The following SYNPR variants were observed in gnomAD, a reference collection of about 807,000 sequenced individuals.
SYNPR encodes the protein synaptoporin.
In SYNPR, 23 loss-of-function variants were observed where a neutral mutation model predicts 32.9. The ratio of observed to expected loss-of-function variants is 0.70; its 90% confidence interval spans 0.50 to 0.99. The LOEUF (loss-of-function observed/expected upper bound fraction) is 0.99, where lower values mean the gene tolerates loss of function less well. Ranked by LOEUF, SYNPR falls within the 50% of genes least tolerant of loss-of-function variation. The pLI is 0.00. For synonymous variants in SYNPR, 146 were observed against 135.9 expected (o/e 1.07, Z -0.52); for missense variants, 318 against 349.3 (o/e 0.91, Z 0.71).
intron 3 of SYNPR, among the ~76,000 whole-genome samples, chr3:63,519,915 T>C (rs1336575540): frequency 6.6e-6 from 1 of 152,234 alleles, no homozygotes; most frequent in East Asian, 1.9e-4. Context: ...CACCCTGAGA[T>C]AACCACTTCT....
At chr3:63,450,371 T>C (rs1055532103) in intron 2 of SYNPR, among the ~76,000 whole-genome samples, 3 of 152,192 alleles carry the variant, frequency 2.0e-5, no homozygotes, top group Non-Finnish European at 4.4e-5. Flanking sequence ...TAAAACTTAA[T>C]TTATTTAAGT....
chr3:63,497,921 T>C (rs1701403192), intron 3 of SYNPR, among the ~76,000 whole-genome samples: 1 of 152,190 alleles, frequency 6.6e-6, no homozygotes, highest in Admixed American at 6.5e-5. Flanking sequence ...AACCAAATGC[T>C]GCTAGCCAGA....
intron 2 of SYNPR, among the ~76,000 whole-genome samples, chr3:63,301,342 T>A (rs926551500): frequency 1.3e-5 from 2 of 152,142 alleles, no homozygotes; most frequent in Non-Finnish European, 2.9e-5. Flanking sequence ...AAGCTATTTT[T>A]AAAATATTTA....
intron 3 of SYNPR, among the ~76,000 whole-genome samples, chr3:63,485,098 T>A (rs1040757587): frequency 1.3e-5 from 2 of 151,996 alleles, no homozygotes; most frequent in Non-Finnish European, 2.9e-5. Flanking sequence ...CTATATAAGA[T>A]GAGAGAGGTG....
At chr3:63,282,323 A>C (rs369478958) in intron 2 of SYNPR, among the ~76,000 whole-genome samples, 1 of 152,224 alleles carries the variant, frequency 6.6e-6, no homozygotes, top group East Asian at 1.9e-4. Flanking sequence ...TGCTTTTAAA[A>C]TCAGAAGGCT....
intron 4 of SYNPR, among the ~76,000 whole-genome samples, chr3:63,572,144 C>A (rs905004915): frequency 2.0e-5 from 3 of 152,260 alleles, no homozygotes; most frequent in Non-Finnish European, 4.4e-5. Flanking sequence ...CCTGGGACAG[C>A]AAAACAAGTG....
At chr3:63,247,964 A>T (rs77611901) in intron 1 of SYNPR, among the ~76,000 whole-genome samples, 2,000 of 152,216 alleles carry the variant, frequency 0.013, 39 homozygotes, top group African/African-American at 0.046. Context: ...TGGTGTTTGA[A>T]TTATTTAACA....
At chr3:63,563,617 T>C (rs532427125) in intron 4 of SYNPR, among the ~76,000 whole-genome samples, 33 of 152,188 alleles carry the variant, frequency 2.2e-4, no homozygotes, top group Non-Finnish European at 4.3e-4. Context: ...CTCCTGTTTA[T>C]GTCAGTTCCA....
chr3:63,231,285 T>A (rs187744585), intron 1 of SYNPR, among the ~76,000 whole-genome samples: 18 of 152,002 alleles, frequency 1.2e-4, no homozygotes, highest in Middle Eastern at 3.4e-3. Flanking sequence ...GCTATGAGAA[T>A]GGAAAGGCAT....
intron 2 of SYNPR, among the ~76,000 whole-genome samples, chr3:63,318,473 T>C (rs1010668297): frequency 1.3e-5 from 2 of 151,938 alleles, no homozygotes. Context: ...TTCTTTGTCT[T>C]TATTGGATTG....
chr3:63,492,177 T>A lies in SYNPR; in HGVS notation c.209+11221T>A, dbSNP rs185710251. Among the ~76,000 whole-genome samples the A allele has an allele frequency of 2.0e-5, 3 of 152,288 alleles. No individual in the cohort carries two copies. In the East Asian group the frequency reaches 5.8e-4, roughly 30 times the overall value. ...CCAGTCTCCCACCAGAGCTTCCTAA[T>A]GGCTGAATGTAACTGGAAGCCAGTT... is the stretch of plus-strand genomic sequence containing the variant. On this transcript the variant is annotated intron_variant, in intron 3 of 5. Transcript: ENST00000478300.
intron 3 of SYNPR, among the ~76,000 whole-genome samples, chr3:63,508,727 G>C (rs1170100661): frequency 6.6e-6 from 1 of 151,980 alleles, no homozygotes; most frequent in African/African-American, 2.4e-5. Context: ...CATTCTGATT[G>C]GTCCAACCTG....
At chr3:63,430,081 T>C (rs963911536) in intron 2 of SYNPR, among the ~76,000 whole-genome samples, 1 of 152,194 alleles carries the variant, frequency 6.6e-6, no homozygotes, top group African/African-American at 2.4e-5. Context: ...TATCAAAACA[T>C]AGACAAGAGC....
chr3:63,292,649 G>A (rs993020136), intron 2 of SYNPR, among the ~76,000 whole-genome samples: 1 of 152,170 alleles, frequency 6.6e-6, no homozygotes, highest in Non-Finnish European at 1.5e-5. Flanking sequence ...AAGATTAGTG[G>A]CACATAGGAA....
intron 2 of SYNPR, among the ~76,000 whole-genome samples, chr3:63,455,445 G>A (rs1325696784): frequency 6.6e-6 from 1 of 151,998 alleles, no homozygotes; most frequent in Non-Finnish European, 1.5e-5. Flanking sequence ...ATCATAATTG[G>A]TCATGCCTTT....
chr3:63,399,831 G>A (rs889550322), intron 2 of SYNPR, among the ~76,000 whole-genome samples: 4 of 152,152 alleles, frequency 2.6e-5, no homozygotes, highest in East Asian at 1.9e-4. Context: ...ATTGAACCAC[G>A]TAACTTTCTC....
intron 2 of SYNPR, among the ~76,000 whole-genome samples, chr3:63,325,610 C>T (rs982820579): frequency 6.6e-6 from 1 of 152,144 alleles, no homozygotes; most frequent in Non-Finnish European, 1.5e-5. Context: ...CTCCTACACT[C>T]AGTGTAAATT....
chr3:63,493,635 G>A (rs898917299), intron 3 of SYNPR, among the ~76,000 whole-genome samples: 1 of 151,856 alleles, frequency 6.6e-6, no homozygotes, highest in Non-Finnish European at 1.5e-5. Flanking sequence ...GGCCAACATG[G>A]TGAAACCTCA....
intron 2 of SYNPR, among the ~76,000 whole-genome samples, chr3:63,403,403 TAC>T (rs535121207): frequency 4.9e-4 from 74 of 149,758 alleles, no homozygotes; most frequent in Middle Eastern, 6.8e-3. Flanking sequence ...TACATATATA[TAC>T]ACACACACAC....
Sources: gnomAD v4.1 joint callset for allele counts (sites outside exome capture counted in the v4.1 genomes callset) on GRCh38, gnomAD v4.1.1 for gene constraint, MANE v1.5 for transcripts, NCBI Gene and HGNC (gene_info 2026-07-23, HGNC 2026-07-21) for gene names.